TBC1D32: variants seen among roughly 807,000 people sequenced by gnomAD.
TBC1D32 encodes the protein TBC1 domain family member 32, also known as protein broad-minded.
TBC1D32 carries 151 observed loss-of-function variants against 170.3 expected under a neutral mutation model. That is an observed-to-expected ratio of 0.89 (90% CI 0.78 to 1.01). The LOEUF is 1.01. Among genes scored for constraint, TBC1D32 ranks in the 50% least tolerant of loss-of-function variants. The pLI, the probability that TBC1D32 is intolerant of heterozygous loss-of-function variation, is 0.00. For missense variants in TBC1D32, 1,464 were observed against 1,457.1 expected, an observed-to-expected ratio of 1.00 and a Z score of -0.08; for synonymous variants, 498 against 488.0, an observed-to-expected ratio of 1.02 and a Z score of -0.27.
intron 17 of TBC1D32, among the ~76,000 whole-genome samples, chr6:121,245,901 G>C (rs537046800): frequency 6.6e-6 from 1 of 152,196 alleles, no homozygotes; most frequent in East Asian, 1.9e-4. Context: ...TGCTGGCCTG[G>C]GAGGGAAGCT....
At chr6:121,315,332 T>C (rs1368890484) in intron 3 of TBC1D32, among the ~76,000 whole-genome samples, 1 of 152,228 alleles carries the variant, frequency 6.6e-6, no homozygotes, top group Non-Finnish European at 1.5e-5. Flanking sequence ...GCTGGTATTA[T>C]TATTTCTATC....
chr6:121,111,352 G>A (rs1300555467), intron 29 of TBC1D32, among the ~76,000 whole-genome samples: 1 of 152,096 alleles, frequency 6.6e-6, no homozygotes, highest in African/African-American at 2.4e-5. Flanking sequence ...GTGGAATGTA[G>A]ACATTACTTT....
intron 17 of TBC1D32, 114 bp downstream of exon 17, chr6:121,255,214 A>G: frequency 1.9e-6 from 1 of 519,212 alleles, no homozygotes; most frequent in East Asian, 4.7e-5. Flanking sequence ...AGCTGTATAT[A>G]TACATTTACC....
At chr6:121,156,462 A>T (rs1396862019) in intron 24 of TBC1D32, among the ~76,000 whole-genome samples, 1 of 151,772 alleles carries the variant, frequency 6.6e-6, no homozygotes, top group Non-Finnish European at 1.5e-5. Flanking sequence ...CCTTTTAAAA[A>T]ATCAATTATT....
chr6:121,246,195 G>A (rs574632198), intron 17 of TBC1D32, among the ~76,000 whole-genome samples: 7 of 152,172 alleles, frequency 4.6e-5, no homozygotes, highest in Admixed American at 2.0e-4. Context: ...CAGTCCTGCC[G>A]GAGACAGTGA....
chr6:121,116,535 T>C (rs945431225), intron 26 of TBC1D32, among the ~76,000 whole-genome samples: 7 of 152,322 alleles, frequency 4.6e-5, no homozygotes, highest in South Asian at 2.1e-4. Flanking sequence ...GTAATACTAA[T>C]GTTTTTTCTC....
At chr6:121,312,899 T>A (rs145783828) in intron 3 of TBC1D32, among the ~76,000 whole-genome samples, 3 of 152,312 alleles carry the variant, frequency 2.0e-5, no homozygotes, top group South Asian at 2.1e-4. Flanking sequence ...TTCTGAGGAC[T>A]CCCTACTCTG....
In TBC1D32 at chr6:121,099,289, T is replaced by C. The variant is rs570960047; in HGVS notation, c.3465+6734A>G. ...ATGAACAAAATACAGTAAGACTTTT[T>C]TTAACAGAAGATAAAATTGGTCATA... On this transcript the variant is annotated intron_variant, in intron 30 of 31. Coordinates refer to ENST00000398212, the MANE Select transcript of TBC1D32 (RefSeq NM_152730.6). Among the ~76,000 whole-genome samples the C allele has an allele frequency of 1.9e-3, 294 of 152,068 alleles. 2 individuals are homozygous for C. The highest frequency in any genetic ancestry group is 6.6e-3 in the African/African-American group (273 of 41,530).
At chr6:121,230,825 T>C (rs1242606037) in intron 20 of TBC1D32, among the ~76,000 whole-genome samples, 1 of 152,030 alleles carries the variant, frequency 6.6e-6, no homozygotes, top group African/African-American at 2.4e-5. Context: ...GGGGAACCGA[T>C]AGTGTATGGT....
chr6:121,227,511 A>G (rs1795222574), intron 20 of TBC1D32, among the ~76,000 whole-genome samples: 2 of 152,098 alleles, frequency 1.3e-5, no homozygotes, highest in African/African-American at 4.8e-5. Context: ...AATCATTTGA[A>G]TTTTTATCAT....
intron 30 of TBC1D32, among the ~76,000 whole-genome samples, chr6:121,096,949 G>C (rs1452599225): frequency 6.6e-6 from 1 of 152,126 alleles, no homozygotes; most frequent in Non-Finnish European, 1.5e-5. Context: ...AGTGGGGAAA[G>C]GATTCCCTAT....
chr6:121,286,037 A>G (rs975187404), intron 12 of TBC1D32, among the ~76,000 whole-genome samples: 2 of 152,138 alleles, frequency 1.3e-5, no homozygotes, highest in South Asian at 2.1e-4. Context: ...AAAGATGGGG[A>G]AAAAACAGAG....
Position 121,120,385 on chromosome 6 carries a change from T to A in TBC1D32, c.2984-5144A>T, listed in dbSNP as rs189808892. 3.5e-3 allele frequency among the ~76,000 whole-genome samples: 537 copies of A among 152,194 alleles called. 1 individual carries two copies. Among genetic ancestry groups the A allele is most frequent in the Admixed American group, 7.6e-3 (116 of 15,262 alleles). The stretch of plus-strand genomic sequence containing the variant: ...TATTTAGGTAATATATACAATATAA[T>A]TTTAATTTTAGATTTTCTACAGAAA... On this transcript the variant is annotated intron_variant, in intron 26 of 31. Coordinates refer to ENST00000398212, the MANE Select transcript of TBC1D32 (RefSeq NM_152730.6).
Position 121,283,837 on chromosome 6 carries a change from C to T in TBC1D32, c.1446G>A (p.Met482Ile). ...LIYYSPSCPK[M>I]TSAAHSENYS... ...AATTACCTGAATGGGCAGCTGATGT[C>T]ATCTTTGGACAACTTGGTGAGTAAT... The change falls in exon 13 of 32, where the codon ATG becomes ATA. Residue 482 changes from methionine to isoleucine, a missense_variant. Transcript: ENST00000398212. 6.2e-7 allele frequency: 1 copy of T among 1,609,476 alleles called. No individual in the cohort carries two copies. Among genetic ancestry groups the T allele is most frequent in the African/African-American group, 1.3e-5 (1 of 74,896 alleles).
chr6:121,238,811 T>C (rs996384133), intron 20 of TBC1D32, among the ~76,000 whole-genome samples: 1 of 152,014 alleles, frequency 6.6e-6, no homozygotes, highest in African/African-American at 2.4e-5. Context: ...TTACTCTTCA[T>C]TAAGGGAGAA....
rs930434834 is a variant in TBC1D32 at position 121,095,743 on chromosome 6, G to A, written c.3466-4702C>T. On this transcript the variant is annotated intron_variant, in intron 30 of 31. Coordinates refer to ENST00000398212, the MANE Select transcript of TBC1D32 (RefSeq NM_152730.6). ...CGTGATGGATTACATTTATTGATTT[G>A]CGTATGTTGAACCAGTCTTGCATCC... 3.3e-5 allele frequency among the ~76,000 whole-genome samples: 5 copies of A among 152,122 alleles called. No individual in the cohort carries two copies. In the East Asian group the frequency reaches 5.8e-4, roughly 18 times the overall value.
intron 22 of TBC1D32, among the ~76,000 whole-genome samples, chr6:121,173,084 A>G (rs887062194): frequency 1.4e-4 from 22 of 152,070 alleles, no homozygotes; most frequent in African/African-American, 5.3e-4. Flanking sequence ...TTAACATTTG[A>G]GTCAGTGGGC....
chr6:121,151,905 G>C (rs1784267943), intron 24 of TBC1D32, among the ~76,000 whole-genome samples: 1 of 152,148 alleles, frequency 6.6e-6, no homozygotes. Context: ...CTTTGTATAT[G>C]AGATGGGTCT....
chr6:121,145,675 C>G (rs187981897), intron 24 of TBC1D32, among the ~76,000 whole-genome samples: 1 of 152,224 alleles, frequency 6.6e-6, no homozygotes, highest in Admixed American at 6.5e-5. Flanking sequence ...AGCCATTCCA[C>G]AATGTACACA....
Sources: allele counts gnomAD v4.1 joint callset (sites outside exome capture counted in the v4.1 genomes callset), GRCh38; gene constraint gnomAD v4.1.1; transcripts MANE v1.5; gene names NCBI Gene and HGNC (gene_info 2026-07-23, HGNC 2026-07-21).